Variants in LRCH1 observed in about 807,000 individuals in gnomAD.
LRCH1 encodes the protein leucine-rich repeat and calponin homology domain-containing protein 1.
Under a neutral mutation model 94.9 loss-of-function variants are expected in LRCH1, and 23 were observed. The ratio of observed to expected loss-of-function variants is 0.24; its 90% CI spans 0.17 to 0.34. The LOEUF (loss-of-function observed/expected upper bound fraction) is 0.34. Ranked by LOEUF, LRCH1 falls within the 10% of genes least tolerant of loss-of-function variation. The pLI is 1.00. For synonymous variants in LRCH1, 364 were observed against 354.9 expected (o/e 1.03, Z -0.29); for missense variants, 790 against 945.9 (o/e 0.84, Z 2.16).
chr13:46,583,737 C>T (rs9316214), intron 1 of LRCH1, among the ~76,000 whole-genome samples: 118,706 of 151,746 alleles, frequency 0.78, 46,603 homozygotes, highest in East Asian at 0.91. Context: ...ATATTATTTG[C>T]TCTTGTTTCA....
In LRCH1 at chr13:46,742,062, A is replaced by G. The variant is rs941576101; in HGVS notation, c.*214A>G. The G allele has an allele frequency of 9.5e-5, 133 of 1,406,462 alleles. No individual in the cohort carries two copies. The highest frequency in any genetic ancestry group is 1.1e-4 in the Non-Finnish European group (124 of 1,082,396). The allele number at this position is 1,406,462 out of a possible 1,614,324, so 87.1% of individuals were successfully genotyped here. A position where few individuals can be genotyped will look rare whatever the true frequency, so the allele number is the denominator to read the frequency against. Reference sequence around the variant, plus strand: ...TAATTCCTCTCACTTACTGAAATACAACGACGACGACTGCAAAGTGTATGC... The same window carrying G: ...TAATTCCTCTCACTTACTGAAATACGACGACGACGACTGCAAAGTGTATGC... On this transcript the variant is annotated 3_prime_UTR_variant, in exon 20 of 20. Coordinates refer to ENST00000389797, the MANE Select transcript of LRCH1 (RefSeq NM_001164211.2).
At chr13:46,584,310 C>T (rs1210765481) in intron 1 of LRCH1, among the ~76,000 whole-genome samples, 2 of 152,090 alleles carry the variant, frequency 1.3e-5, no homozygotes, top group African/African-American at 4.8e-5. Context: ...AGCTCGATAC[C>T]CAAATTATGG....
chr13:46,565,812 A>AAATAATAAT (rs3068690), intron 1 of LRCH1, among the ~76,000 whole-genome samples: 37,992 of 139,848 alleles, frequency 0.27, 5,931 homozygotes, highest in South Asian at 0.39. Flanking sequence ...TCTGTCTCCA[A>AAATAATAAT]AATAATAATA....
At chr13:46,685,863 TA>T in intron 4 of LRCH1, 41 bp from the exon 5 acceptor site, 1 of 1,381,106 alleles carries the variant, frequency 7.2e-7, no homozygotes, top group Non-Finnish European at 9.7e-7. Context: ...TATTGATTTC[TA>T]AGGTTTTTTC....
chr13:46,680,835 C>T (rs2051740690), intron 3 of LRCH1, among the ~76,000 whole-genome samples: 2 of 152,206 alleles, frequency 1.3e-5, no homozygotes, highest in African/African-American at 4.8e-5. Flanking sequence ...TCTGGCCGCT[C>T]TGTGAAGGAT....
intron 9 of LRCH1, among the ~76,000 whole-genome samples, chr13:46,696,923 C>A (rs9534468): frequency 6.6e-6 from 1 of 152,098 alleles, no homozygotes; most frequent in African/African-American, 2.4e-5. Context: ...CAAAAGCTAG[C>A]TGGGTGTGGT....
chr13:46,690,339 A>G (rs186928835), intron 7 of LRCH1, among the ~76,000 whole-genome samples: 2 of 152,106 alleles, frequency 1.3e-5, no homozygotes, highest in Non-Finnish European at 2.9e-5. Flanking sequence ...TACTAAACAC[A>G]TTGCTTTAGT....
intron 1 of LRCH1, among the ~76,000 whole-genome samples, chr13:46,578,167 G>A (rs1010385508): frequency 6.6e-6 from 1 of 152,184 alleles, no homozygotes; most frequent in Non-Finnish European, 1.5e-5. Flanking sequence ...AAAATCTCCT[G>A]GCTGCGGTTA....
intron 1 of LRCH1, among the ~76,000 whole-genome samples, chr13:46,582,149 CAAAAAA>C (rs11387752): frequency 5.7e-5 from 6 of 104,604 alleles, no homozygotes; most frequent in African/African-American, 1.9e-4. Flanking sequence ...GACTCCATCT[CAAAAAA>C]AAAAAAAAAA....
chr13:46,703,478 A>G lies in LRCH1; in HGVS notation c.1401-1590A>G, dbSNP rs553452845. Among the ~76,000 whole-genome samples, 36 of 152,342 alleles carry G rather than the reference A, an allele frequency of 2.4e-4. 1 individual carries two copies. In the East Asian group the frequency reaches 5.0e-3, roughly 21 times the overall value. Reference sequence around the variant, plus strand: ...AAAACCATTCTAGAAGTAACTTAGTATGTAACCAAGTCTAGAAACATATAA... The same window carrying G: ...AAAACCATTCTAGAAGTAACTTAGTGTGTAACCAAGTCTAGAAACATATAA... On this transcript the variant is annotated intron_variant, in intron 11 of 19. Transcript: ENST00000389797.
rs1873680190 is a variant in LRCH1, at chr13:46,741,878, C to T, written c.*30C>T. ...TGCACGTGCATCCAAACGCTGTGCT[C>T]TGTCGCCCTCAACCTTTGCAGGGTC... On this transcript the variant is annotated 3_prime_UTR_variant, in exon 20 of 20. Transcript: ENST00000389797. The T allele has an allele frequency of 6.2e-7, 1 of 1,612,406 alleles. No homozygotes were observed. The highest frequency in any genetic ancestry group is 1.7e-5 in the Admixed American group (1 of 60,006).
chr13:46,671,322 G>A (rs2051598561), intron 3 of LRCH1, among the ~76,000 whole-genome samples: 1 of 152,218 alleles, frequency 6.6e-6, no homozygotes, highest in Non-Finnish European at 1.5e-5. Context: ...CATCACAGTT[G>A]TTTTCTTACT....
chr13:46,623,062 C>T (rs758870197), intron 1 of LRCH1, among the ~76,000 whole-genome samples: 1 of 152,072 alleles, frequency 6.6e-6, no homozygotes, highest in Non-Finnish European at 1.5e-5. Context: ...TTAAAAGATG[C>T]CAGTCTGTCA....
At chr13:46,585,552 C>CAAAAAAAA (rs35651253) in intron 1 of LRCH1, among the ~76,000 whole-genome samples, 11 of 82,012 alleles carry the variant, frequency 1.3e-4, no homozygotes, top group African/African-American at 1.6e-4. Context: ...GACTGCATCT[C>CAAAAAAAA]AAAAAAAAAA....
chr13:46,751,396 T>C (rs765767326), exon 19 of LRCH1: 4 of 152,152 alleles, frequency 2.6e-5, no homozygotes, highest in Non-Finnish European at 5.9e-5. Context: ...TTGTGGAACG[T>C]TGGTCTTATT....
chr13:46,594,696 C>G (rs531027890), intron 1 of LRCH1, among the ~76,000 whole-genome samples: 2 of 152,276 alleles, frequency 1.3e-5, no homozygotes, highest in South Asian at 4.1e-4. Context: ...CATATGAGTT[C>G]ATAAGTAGGA....
rs1286192934 is a variant in LRCH1, at chr13:46,652,071, T to TG, written c.452+1726_452+1727insG. Among the ~76,000 whole-genome samples the TG allele has an allele frequency of 2.2e-4, 19 of 86,318 alleles. 2 individuals are homozygous for TG. The highest frequency in any genetic ancestry group is 1.0e-3 in the South Asian group (3 of 2,858). The allele number at this position is 86,318 out of a possible 152,430, so 56.6% of individuals were successfully genotyped here. A position where few individuals can be genotyped will look rare whatever the true frequency, so the allele number is the denominator to read the frequency against. ...CCTGCTGATGTTTTTTTTTTTTTTT[T>TG]TTTTGTTTTGTTTTGTTTGTTTTGA... On this transcript the variant is annotated intron_variant, in intron 2 of 19. Transcript: ENST00000389797.
chr13:46,635,036 A>T (rs999778189), intron 1 of LRCH1, among the ~76,000 whole-genome samples: 1 of 152,128 alleles, frequency 6.6e-6, no homozygotes, highest in African/African-American at 2.4e-5. Context: ...CTCCATAAGG[A>T]TTGGGTTTTT....
chr13:46,670,930 A>T (rs534420459), intron 3 of LRCH1, among the ~76,000 whole-genome samples: 20 of 152,254 alleles, frequency 1.3e-4, no homozygotes, highest in Admixed American at 1.3e-3. Flanking sequence ...ATCCTGCTGA[A>T]GTCTAGGTAG....
Sources: gnomAD v4.1 joint callset for allele counts (sites outside exome capture counted in the v4.1 genomes callset) on GRCh38, gnomAD v4.1.1 for gene constraint, MANE v1.5 for transcripts, NCBI Gene and HGNC (gene_info 2026-07-23, HGNC 2026-07-21) for gene names.